STOML1: variants seen among roughly 807,000 people sequenced by gnomAD.
STOML1 encodes the protein stomatin-like protein 1.
STOML1 carries 27 observed loss-of-function variants against 35.7 expected under a neutral mutation model. That is an observed-to-expected ratio of 0.76 (90% CI 0.56 to 1.04). STOML1 has a LOEUF of 1.04. STOML1 is among the 50% of genes least tolerant of loss of function. The probability of loss-of-function intolerance (pLI) is 0.00; values close to 1 mark genes in which losing one functional copy is unlikely to be tolerated. For synonymous variants in STOML1, 219 were observed against 227.9 expected (o/e 0.96, Z 0.35); for missense variants, 451 against 527.1 (o/e 0.86, Z 1.41).
At chr15:73,991,868 C>G (rs3816198) in intron 1 of STOML1, 200,608 of 679,872 alleles carry the variant, frequency 0.3, 30,910 homozygotes, top group African/African-American at 0.37. Context: ...ATAGGAGCAA[C>G]GCTGGCTGGC....
At chr15:73,994,133 A>T (rs1413368035), upstream of STOML1, among the ~76,000 whole-genome samples, 1 of 152,196 alleles carries the variant, frequency 6.6e-6, no homozygotes, top group Admixed American at 6.5e-5. Flanking sequence ...GAACTGGTTC[A>T]ATCTCCTCAG....
chr15:73,990,410 A>C lies in STOML1; in HGVS notation c.181T>G (p.Phe61Val), dbSNP rs1242701568. The C allele has an allele frequency of 1.9e-6, 3 of 1,614,060 alleles. No individual in the cohort carries two copies. The highest frequency in any genetic ancestry group is 2.5e-6 in the Non-Finnish European group (3 of 1,180,024). ...ACCAACAGCAGCAAGAACCCCAGGAAACTGATGAGGCCATGACAGAGGCAG... is the reference window on the plus strand; with the variant it reads ...ACCAACAGCAGCAAGAACCCCAGGACACTGATGAGGCCATGACAGAGGCAG... Reference protein sequence around the residue: ...PSCLCHGLISFLGFLLLLVTF... With the variant: ...PSCLCHGLISVLGFLLLLVTF... The change falls in exon 2 of 7, where the codon TTC becomes GTC. Residue 61 changes from phenylalanine to valine, a missense_variant. Coordinates refer to ENST00000541638, the MANE Select transcript of STOML1 (RefSeq NM_004809.5).
intron 1 of STOML1, chr15:73,991,148 C>CA (rs955107633): frequency 7.6e-4 from 291 of 381,596 alleles, no homozygotes; most frequent in Non-Finnish European, 8.9e-4. Flanking sequence ...AAAACAAAAA[C>CA]AAAAAAAAAC....
chr15:73,990,336 C>T lies in STOML1; in HGVS notation c.240+15G>A. ...GTGGCCCAACCACCCTGGGGGCTGACCCAGCCAGCCTTACCTTCAGGGCAA... is the reference window on the plus strand; with the variant it reads ...GTGGCCCAACCACCCTGGGGGCTGATCCAGCCAGCCTTACCTTCAGGGCAA... On this transcript the variant is annotated intron_variant, in intron 2 of 6. Transcript: ENST00000541638. 1 of 1,613,440 alleles carries T rather than the reference C, an allele frequency of 6.2e-7. No individual in the cohort carries two copies. The highest frequency in any genetic ancestry group is 8.5e-7 in the Non-Finnish European group (1 of 1,179,558).
intron 1 of STOML1, 117 bp downstream of exon 1, chr15:73,991,974 G>A: frequency 1.4e-6 from 2 of 1,395,980 alleles, no homozygotes; most frequent in South Asian, 3.0e-5. Context: ...CCCTTTCTCA[G>A]TCCCCCCTCG....
upstream of STOML1, among the ~76,000 whole-genome samples, chr15:73,993,916 G>C (rs1179751761): frequency 4.3e-5 from 6 of 138,460 alleles, no homozygotes; most frequent in African/African-American, 1.4e-4. Flanking sequence ...AGCCTTTCCA[G>C]CTGTCACTCA....
intron 1 of STOML1, chr15:73,990,768 T>A: frequency 6.6e-7 from 1 of 1,519,578 alleles, no homozygotes; most frequent in African/African-American, 1.4e-5. Flanking sequence ...CTCACTGGAC[T>A]GAGTAGGGGT....
chr15:73,992,019 G>C (rs1256922512), intron 1 of STOML1, 72 bp downstream of exon 1: 2 of 1,476,990 alleles, frequency 1.4e-6, no homozygotes, highest in African/African-American at 1.4e-5. Context: ...CCGACTCCTC[G>C]GAGGCAGAGA....
chr15:73,990,232 T>C, intron 2 of STOML1, 119 bp downstream of exon 2: 1 of 869,020 alleles, frequency 1.2e-6, no homozygotes. Context: ...GCCTAGCCCA[T>C]TACACAAAGG....
At chr15:73,984,517 T>TGG (rs2069023542) in intron 6 of STOML1, 142 bp downstream of exon 6, 1 of 959,728 alleles carries the variant, frequency 1.0e-6, no homozygotes, top group African/African-American at 1.6e-5. Context: ...TGCCTGGAAA[T>TGG]GGTGTCTGAG....
In STOML1 at chr15:73,988,625, T is replaced by G; in HGVS notation, c.568A>C (p.Lys190Gln). Residue 190 changes from lysine to glutamine, a missense_variant, in exon 4 of 7, where the codon AAG becomes CAG. Coordinates refer to ENST00000541638, the MANE Select transcript of STOML1 (RefSeq NM_004809.5). The surrounding 1 kb of genome is among the most constrained non-coding windows in gnomAD (Gnocchi z 4.8). Reference sequence around the variant, plus strand: ...AGAAGCTGGTCGCTGATCTTGAGCTTCTCCATCTGGATCTCCCGCAGCGGC... The same window carrying G: ...AGAAGCTGGTCGCTGATCTTGAGCTGCTCCATCTGGATCTCCCGCAGCGGC... ...KRPLREIQME[K>Q]LKISDQLLLE... 7 of 1,614,184 alleles carry G rather than the reference T, an allele frequency of 4.3e-6. No individual in the cohort carries two copies. Among genetic ancestry groups the G allele is most frequent in the Non-Finnish European group, 5.9e-6 (7 of 1,180,028 alleles).
At chr15:73,984,497 G>A (rs1156460874) in intron 6 of STOML1, among the ~76,000 whole-genome samples, 162 bp downstream of exon 6, 1 of 152,250 alleles carries the variant, frequency 6.6e-6, no homozygotes, top group Admixed American at 6.5e-5. Context: ...GGAGACCAGG[G>A]CATAGTTAAT....
intron 2 of STOML1, chr15:73,990,002 C>T (rs4993000): frequency 0.36 from 80,376 of 223,860 alleles, 15,289 homozygotes; most frequent in African/African-American, 0.48. Flanking sequence ...CTATTATGCA[C>T]TACCAGCTGG....
chr15:73,993,170 G>C (rs1595868618), upstream of STOML1, among the ~76,000 whole-genome samples: 1 of 152,230 alleles, frequency 6.6e-6, no homozygotes, highest in African/African-American at 2.4e-5. Context: ...GGGCCCCAGA[G>C]CACCACAGAG....
chr15:73,988,735 A>C lies in STOML1; in HGVS notation c.458T>G (p.Val153Gly), dbSNP rs752197675. The change falls in exon 4 of 7, where the codon GTG becomes GGG. Residue 153 changes from valine (V) to glycine (G), a missense_variant. Coordinates refer to ENST00000541638, the MANE Select transcript of STOML1 (RefSeq NM_004809.5). This position sits in a 1 kb window ranked among gnomAD's most constrained non-coding sequence, Gnocchi z 4.8. ...GTCTTTCACAGTCATCACCGACAGC[A>C]CCGGGTCCCAGATGCGAAACTGGAC... is the stretch of plus-strand genomic sequence containing the variant. ...ADVQFRIWDP[V>G]LSVMTVKDLN... is the part of the protein sequence containing the mutation. 1.2e-5 allele frequency: 20 copies of C among 1,614,116 alleles called. No individual in the cohort carries two copies. The East Asian group carries it at 4.5e-4, about 36-fold the overall frequency.
In STOML1 at chr15:73,988,677, G is replaced by C; in HGVS notation, c.516C>G (p.Asn172Lys). 2 of 1,614,196 alleles carry C rather than the reference G, an allele frequency of 1.2e-6. No homozygotes were observed. Among genetic ancestry groups the C allele is most frequent in the Non-Finnish European group, 1.7e-6 (2 of 1,180,036 alleles). The change falls in exon 4 of 7, where the codon AAC becomes AAG. Residue 172 changes from asparagine (N) to lysine (K), a missense_variant. Coordinates refer to ENST00000541638, the MANE Select transcript of STOML1 (RefSeq NM_004809.5). This position sits in a 1 kb window ranked among gnomAD's most constrained non-coding sequence, Gnocchi z 4.8. ...TCTTGAGCAGGGCCTTGGTCATGGC[G>C]TTCTGGGCTGTCATGCGTGTGGCTG... The part of the protein sequence containing the change: ...LNTATRMTAQ[N>K]AMTKALLKRP...
At position 73,988,554 on chromosome 15, in the gene STOML1, G is replaced by T. The variant is rs1290501186; in HGVS notation, c.594+45C>A. 6.2e-7 allele frequency: 1 copy of T among 1,609,790 alleles called. No individual in the cohort carries two copies. The highest frequency in any genetic ancestry group is 8.5e-7 in the Non-Finnish European group (1 of 1,177,838). Reference sequence around the variant, plus strand: ...CAAAGTGACCTGGCAGGTGGAGCCAGGCCGGTGCCACCCCTCAAGCTCCGT... The same window carrying T: ...CAAAGTGACCTGGCAGGTGGAGCCATGCCGGTGCCACCCCTCAAGCTCCGT... On this transcript the variant is annotated intron_variant, in intron 4 of 6. Coordinates refer to ENST00000541638, the MANE Select transcript of STOML1 (RefSeq NM_004809.5). The surrounding 1 kb of genome is among the most constrained non-coding windows in gnomAD (Gnocchi z 4.8).
chr15:73,993,361 C>G (rs2069343177), upstream of STOML1, among the ~76,000 whole-genome samples: 1 of 152,238 alleles, frequency 6.6e-6, no homozygotes. Context: ...CCAAAGCAAG[C>G]AAAGAAATGA....
At chr15:73,993,012 T>C (rs1022751053), upstream of STOML1, among the ~76,000 whole-genome samples, 7 of 152,284 alleles carry the variant, frequency 4.6e-5, no homozygotes, top group Middle Eastern at 3.4e-3. Flanking sequence ...ACTTATTTGT[T>C]AAGTAATGGC....
Sources: allele counts gnomAD v4.1 joint callset (sites outside exome capture counted in the v4.1 genomes callset), GRCh38; gene constraint gnomAD v4.1.1; non-coding constraint Gnocchi (gnomAD v3.1); transcripts MANE v1.5; gene names NCBI Gene and HGNC (gene_info 2026-07-23, HGNC 2026-07-21).